TG: variants seen among roughly 807,000 people sequenced by gnomAD.
The protein encoded by TG is thyroid hormones.
A neutral mutation model predicts 324.7 loss-of-function variants in TG; 270 were observed. That is an observed-to-expected ratio of 0.83 (90% confidence interval 0.75 to 0.92). The LOEUF is 0.92. Ranked by LOEUF, TG falls within the 40% of genes least tolerant of loss-of-function variation. The pLI, the probability that TG is intolerant of heterozygous loss-of-function variation, is 0.00. For missense variants in TG, 3,591 were observed against 3,456.4 expected, an observed-to-expected ratio of 1.04 and a Z score of -0.98; for synonymous variants, 1,401 against 1,327.0, an observed-to-expected ratio of 1.06 and a Z score of -1.21.
chr8:132,886,049 A>T (rs779693107), intron 8 of TG, among the ~76,000 whole-genome samples: 1 of 152,060 alleles, frequency 6.6e-6, no homozygotes, highest in Non-Finnish European at 1.5e-5. Flanking sequence ...ATCTGCAAAG[A>T]CCCTATTTCT....
intron 32 of TG, 23 bp from the exon 33 acceptor site, chr8:132,971,771 T>C (rs779783332): frequency 1.3e-6 from 2 of 1,585,612 alleles, no homozygotes; most frequent in African/African-American, 2.7e-5. Context: ...CCTTCAGGCC[T>C]GCTCTTTCTC....
intron 34 of TG, among the ~76,000 whole-genome samples, chr8:132,975,763 C>T (rs1830104590): frequency 6.6e-6 from 1 of 152,192 alleles, no homozygotes; most frequent in African/African-American, 2.4e-5. Flanking sequence ...TACTCAAGGT[C>T]ACCAGAAAGT....
At chr8:133,058,405 A>C (rs538086469) in intron 41 of TG, among the ~76,000 whole-genome samples, 5 of 152,358 alleles carry the variant, frequency 3.3e-5, no homozygotes, top group African/African-American at 1.2e-4. Flanking sequence ...ATAATGGAAC[A>C]AAATCAACTT....
At chr8:132,955,207 T>G (rs1826674279) in intron 27 of TG, among the ~76,000 whole-genome samples, 1 of 152,136 alleles carries the variant, frequency 6.6e-6, no homozygotes, top group African/African-American at 2.4e-5. Context: ...CACAAGTCAC[T>G]AGTGGATTGT....
intron 4 of TG, 110 bp downstream of exon 4, chr8:132,871,661 C>T (rs971333406): frequency 1.9e-6 from 2 of 1,042,598 alleles, no homozygotes; most frequent in Non-Finnish European, 2.8e-6. Flanking sequence ...GAGAACCAGG[C>T]CCTCATTAGG....
rs772749997 is a variant in TG at position 132,972,613 on chromosome 8, G to T, written c.6071G>T (p.Cys2024Phe). 5.2e-6 allele frequency: 8 copies of T among 1,530,860 alleles called. No individual in the cohort carries two copies. In the Admixed American group the frequency reaches 1.0e-4, roughly 20 times the overall value. 94.8% of individuals were successfully genotyped at this position (1,530,860 alleles called of 1,614,324 possible). A position where few individuals can be genotyped will look rare whatever the true frequency, so the allele number is the denominator to read the frequency against. ...VSQLKGGEVT[C>F]LTLNSLGIQM... Reference sequence around the variant, plus strand: ...TCCACCCCAGGAGGAGAGGTGACATGTCTCACTCTGAACAGCTTGGGAATT... The same window carrying T: ...TCCACCCCAGGAGGAGAGGTGACATTTCTCACTCTGAACAGCTTGGGAATT... The change falls in exon 34 of 48, where the codon TGT becomes TTT. Residue 2024 changes from cysteine to phenylalanine, a missense_variant. By Grantham distance (205) the Cys-to-Phe change is radical. Coordinates refer to ENST00000220616, the MANE Select transcript of TG (RefSeq NM_003235.5).
rs16904786 is a variant in TG, at chr8:132,908,271, G to A, written c.3933G>A (p.Ala1311=). 11,305 of 1,613,774 alleles carry A rather than the reference G, an allele frequency of 7.0e-3. 362 individuals are homozygous for A. In the African/African-American group the frequency reaches 0.095, roughly 14 times the overall value. ...GCAAGATGTGCAGTGCTGACTACGC[G>A]GATTTGCTGCAGACTTTCCAGGTTT... is the stretch of plus-strand genomic sequence containing the variant. ...PPGKMCSADY[A]DLLQTFQVFI... is the part of the protein sequence containing the mutation. The change falls in exon 18 of 48, where the codon GCG becomes GCA. Residue 1311 remains alanine (A), a synonymous_variant. Coordinates refer to ENST00000220616, the MANE Select transcript of TG (RefSeq NM_003235.5).
intron 35 of TG, among the ~76,000 whole-genome samples, chr8:133,000,855 A>G (rs1420127401): frequency 1.3e-5 from 2 of 152,208 alleles, no homozygotes; most frequent in Non-Finnish European, 2.9e-5. Flanking sequence ...TGCAGCTGCC[A>G]TAACAAAGTA....
intron 41 of TG, among the ~76,000 whole-genome samples, chr8:133,064,528 G>A (rs1051424817): frequency 6.6e-6 from 1 of 152,132 alleles, no homozygotes; most frequent in African/African-American, 2.4e-5. Context: ...TCACATCTCC[G>A]GACTTCAGGA....
At chr8:132,883,157 T>A in intron 8 of TG, 158 bp downstream of exon 8, 1 of 727,402 alleles carries the variant, frequency 1.4e-6, no homozygotes, top group Non-Finnish European at 2.2e-6. Flanking sequence ...TTATCATCAT[T>A]AACTTCCAAC....
In TG at chr8:132,886,640, G is replaced by A. The variant is rs761156549; in HGVS notation, c.1268G>A (p.Arg423His). 36 of 1,614,018 alleles carry A rather than the reference G, an allele frequency of 2.2e-5. No homozygotes were observed. Among genetic ancestry groups the A allele is most frequent in the Admixed American group, 1.0e-4 (6 of 59,980 alleles). The change falls in exon 9 of 48, where the codon CGC becomes CAC. Residue 423 changes from arginine (R) to histidine (H), a missense_variant. By Grantham distance (29) the Arg-to-His change is conservative. Transcript: ENST00000220616. ...CTCTTTGTGGACTCTGGGCTTCTCC[G>A]CCCAATGGTGGAGGGACAGAGCCAA... ...KELFVDSGLL[R>H]PMVEGQSQQF...
In TG at chr8:132,935,637, G is replaced by A. The variant is rs1587474812; in HGVS notation, c.4933-119G>A. 3.5e-6 allele frequency: 3 copies of A among 851,020 alleles called. No homozygotes were observed. The East Asian group carries it at 7.9e-5, about 22-fold the overall frequency. 52.7% of individuals were successfully genotyped at this position (851,020 alleles called of 1,614,324 possible). A position where few individuals can be genotyped will look rare whatever the true frequency, so the allele number is the denominator to read the frequency against. On this transcript the variant is annotated intron_variant, in intron 24 of 47. Transcript: ENST00000220616. ...ACATCTGTCTCCTCCAATAGACCAG[G>A]AGCAACTAACTTACCTTTGTAGCCC...
chr8:133,126,434 A>G (rs1851526171), intron 45 of TG, among the ~76,000 whole-genome samples: 1 of 152,220 alleles, frequency 6.6e-6, no homozygotes, highest in South Asian at 2.1e-4. Context: ...AGCCGTTATC[A>G]TACTTTATGG....
At chr8:132,984,702 G>T (rs1433723135) in intron 35 of TG, among the ~76,000 whole-genome samples, 1 of 152,124 alleles carries the variant, frequency 6.6e-6, no homozygotes, top group African/African-American at 2.4e-5. Context: ...TCAGCACTTT[G>T]GGAGGCTGAG....
chr8:132,871,547 G>A lies in TG; in HGVS notation c.474G>A (p.Lys158=). ...VYGTRQLGRP[K]RCPRSCEIRN... ...GGACCCGCCAGCTGGGGAGGCCAAA[G>A]CGATGTGAGTTTCACTGAGCGCCTG... is the stretch of plus-strand genomic sequence containing the variant. Residue 158 remains lysine, a synonymous_variant, in exon 4 of 48, where the codon AAG becomes AAA. Coordinates refer to ENST00000220616, the MANE Select transcript of TG (RefSeq NM_003235.5). The A allele has an allele frequency of 6.2e-7, 1 of 1,613,538 alleles. No individual in the cohort carries two copies. The highest frequency in any genetic ancestry group is 1.3e-5 in the African/African-American group (1 of 75,028).
intron 41 of TG, among the ~76,000 whole-genome samples, chr8:133,052,074 C>T (rs1840505692): frequency 6.6e-6 from 1 of 152,188 alleles, no homozygotes; most frequent in East Asian, 1.9e-4. Context: ...AGTACTCAGG[C>T]ATGTGGGCTT....
Position 132,984,060 on chromosome 8 carries a change from A to T in TG, c.6262+648A>T, listed in dbSNP as rs565785869. On this transcript the variant is annotated intron_variant, in intron 35 of 47. Coordinates refer to ENST00000220616, the MANE Select transcript of TG (RefSeq NM_003235.5). ...ATGGGGGTGAGGTGGAGGGGTCAGG[A>T]CAGCATGGGCCTCACTGCACCGTCC... Among the ~76,000 whole-genome samples the T allele has an allele frequency of 4.6e-5, 7 of 152,332 alleles. No individual in the cohort carries two copies. The East Asian group carries it at 1.4e-3, about 29-fold the overall frequency.
At chr8:132,906,121 T>C (rs1482379632) in intron 16 of TG, among the ~76,000 whole-genome samples, 2 of 152,158 alleles carry the variant, frequency 1.3e-5, no homozygotes, top group Non-Finnish European at 2.9e-5. Flanking sequence ...TGCAGAAACC[T>C]GGCAAAGAGC....
chr8:132,885,130 G>T (rs569315781), intron 8 of TG, among the ~76,000 whole-genome samples: 3 of 71,680 alleles, frequency 4.2e-5, no homozygotes, highest in South Asian at 3.8e-4. Flanking sequence ...TTTAAAAGTT[G>T]GGGGGGGGGC....
Sources: allele counts gnomAD v4.1 joint callset (sites outside exome capture counted in the v4.1 genomes callset), GRCh38; gene constraint gnomAD v4.1.1; transcripts MANE v1.5; gene names NCBI Gene and HGNC (gene_info 2026-07-23, HGNC 2026-07-21).